Variants in RPGRIP1 observed in about 807,000 individuals in gnomAD.
RPGRIP1 encodes the protein X-linked retinitis pigmentosa GTPase regulator-interacting protein 1.
In RPGRIP1, 128 loss-of-function variants were observed where a neutral mutation model predicts 157.9. The ratio of observed to expected loss-of-function variants is 0.81; its 90% CI spans 0.70 to 0.94. The LOEUF (loss-of-function observed/expected upper bound fraction) is 0.94. Ranked by LOEUF, RPGRIP1 falls within the 40% of genes least tolerant of loss-of-function variation. The probability of loss-of-function intolerance (pLI) is 0.00; values close to 1 mark genes in which losing one functional copy is unlikely to be tolerated. For synonymous variants in RPGRIP1, 554 were observed against 571.6 expected (o/e 0.97, Z 0.44); for missense variants, 1,486 against 1,545.8 (o/e 0.96, Z 0.65).
At chr14:21,315,045 A>G (rs1184074669) in intron 10 of RPGRIP1, among the ~76,000 whole-genome samples, 1 of 151,634 alleles carries the variant, frequency 6.6e-6, no homozygotes, top group Non-Finnish European at 1.5e-5. Flanking sequence ...TTGGCTGGGC[A>G]TGGTGGCGTG....
chr14:21,348,449 C>G, intron 24 of RPGRIP1, 147 bp downstream of exon 24: 1 of 631,218 alleles, frequency 1.6e-6, no homozygotes. Flanking sequence ...GTATTTATTT[C>G]TGGATCCAAC....
Position 21,302,474 on chromosome 14 carries a change from G to T in RPGRIP1, c.491-14G>T. On this transcript the variant is annotated splice_polypyrimidine_tract_variant and intron_variant, in intron 4 of 24. Transcript: ENST00000400017. Reference sequence around the variant, plus strand: ...ACTGTTGCCCGAGTCTGCATCTTCTGTCTAAACTTTTAGGGCCAAGGGACA... The same window carrying T: ...ACTGTTGCCCGAGTCTGCATCTTCTTTCTAAACTTTTAGGGCCAAGGGACA... The T allele has an allele frequency of 6.7e-7, 1 of 1,495,628 alleles. No homozygotes were observed. The highest frequency in any genetic ancestry group is 9.1e-7 in the Non-Finnish European group (1 of 1,103,274). The allele number at this position is 1,495,628 out of a possible 1,614,324, so 92.6% of individuals were successfully genotyped here.
At chr14:21,320,294 C>G in intron 12 of RPGRIP1, 117 bp downstream of exon 12, 1 of 983,156 alleles carries the variant, frequency 1.0e-6, no homozygotes, top group Non-Finnish European at 1.5e-6. Context: ...TGACTGAGGA[C>G]ACTCTTTTTT....
chr14:21,310,161 A>C lies in RPGRIP1; in HGVS notation c.907-423A>C, dbSNP rs1881485876. The stretch of plus-strand genomic sequence containing the variant: ...TAATATGTGTGAAATGATTATAATG[A>C]TCATGATGTGGCAGGTAATGAAACA... On this transcript the variant is annotated intron_variant, in intron 7 of 24. Transcript: ENST00000400017. 8.3e-5 allele frequency among the ~76,000 whole-genome samples: 3 copies of C among 36,180 alleles called. 1 individual carries two copies. Among genetic ancestry groups the C allele is most frequent in the African/African-American group, 3.7e-4 (3 of 8,162 alleles). 23.7% of individuals were successfully genotyped at this position (36,180 alleles called of 152,430 possible).
intron 23 of RPGRIP1, among the ~76,000 whole-genome samples, chr14:21,347,306 T>C (rs948974390): frequency 1.3e-5 from 2 of 152,234 alleles, no homozygotes; most frequent in Admixed American, 6.5e-5. Context: ...GAGAATAAAA[T>C]TGAGCTAATA....
rs1881580648 is a variant in RPGRIP1 at position 21,312,465 on chromosome 14, A to G, written c.1110A>G (p.Glu370=). The stretch of plus-strand genomic sequence containing the variant: ...AGAGAGTTGAAGATTTGGAAAAAGA[A>G]CGAAAATTGCTGAATGACAATTATG... ...FQERVEDLEK[E]RKLLNDNYDK... The change falls in exon 10 of 25, where the codon GAA becomes GAG. Residue 370 remains glutamate, a synonymous_variant. Transcript: ENST00000400017. The G allele has an allele frequency of 6.2e-7, 1 of 1,612,122 alleles. No homozygotes were observed. The highest frequency in any genetic ancestry group is 8.5e-7 in the Non-Finnish European group (1 of 1,178,852).
intron 14 of RPGRIP1, among the ~76,000 whole-genome samples, chr14:21,323,409 G>A (rs1019500395): frequency 9.9e-5 from 15 of 150,762 alleles, no homozygotes; most frequent in African/African-American, 3.4e-4. Context: ...CAACAAGAGC[G>A]AAACTCTGTC....
chr14:21,343,134 C>T lies in RPGRIP1; in HGVS notation c.3438C>T (p.Tyr1146=). Residue 1146 remains tyrosine (Y), a synonymous_variant, in exon 22 of 25, where the codon TAC becomes TAT. Coordinates refer to ENST00000400017, the MANE Select transcript of RPGRIP1 (RefSeq NM_020366.4). ...DENIKQVYVE[Y]KFYDLPLSET... ...ACATAAAACAGGTGTATGTGGAGTA[C>T]AAATTCTACGACCTACCCTTGTCGG... 1 of 1,613,672 alleles carries T rather than the reference C, an allele frequency of 6.2e-7. No individual in the cohort carries two copies. The highest frequency in any genetic ancestry group is 1.1e-5 in the South Asian group (1 of 91,062).
intron 7 of RPGRIP1, among the ~76,000 whole-genome samples, chr14:21,308,769 G>A (rs1881424567): frequency 6.6e-6 from 1 of 152,194 alleles, no homozygotes. Context: ...TCATGTGCCG[G>A]GAAAAGTGGC....
rs1405973003 is a variant in RPGRIP1, at chr14:21,321,412, A to G, written c.1611+10A>G. On this transcript the variant is annotated intron_variant, in intron 13 of 24. Transcript: ENST00000400017. ...CAACGTGTGTTATCAGGTGCAAGGA[A>G]AGATGGTACAGGAAGGGGATGGATA... 6.2e-7 allele frequency: 1 copy of G among 1,607,614 alleles called. No individual in the cohort carries two copies. The highest frequency in any genetic ancestry group is 1.1e-5 in the South Asian group (1 of 89,866).
chr14:21,292,424 C>A (rs1395715514), intron 2 of RPGRIP1, among the ~76,000 whole-genome samples: 1 of 151,928 alleles, frequency 6.6e-6, no homozygotes, highest in Non-Finnish European at 1.5e-5. Context: ...ATTTTTATAG[C>A]ATATATTCAA....
intron 23 of RPGRIP1, among the ~76,000 whole-genome samples, chr14:21,345,891 C>T (rs1372841012): frequency 1.3e-5 from 2 of 152,128 alleles, no homozygotes; most frequent in African/African-American, 4.8e-5. Flanking sequence ...ACAATCTTGG[C>T]TCACTGCAAC....
At chr14:21,291,201 T>C (rs1299364111) in intron 2 of RPGRIP1, among the ~76,000 whole-genome samples, 2 of 152,158 alleles carry the variant, frequency 1.3e-5, no homozygotes, top group Non-Finnish European at 2.9e-5. Context: ...TATTTGTCTT[T>C]ATATTGTTGG....
rs763323764 is a variant in RPGRIP1, at chr14:21,336,958, CCTAT to C, written c.3339+2257_3339+2260del. On this transcript the variant is annotated intron_variant, in intron 21 of 24. Coordinates refer to ENST00000400017, the MANE Select transcript of RPGRIP1 (RefSeq NM_020366.4). ...TGAGAAATTAAATATGAGAAAGGAG[CCTAT>C]CTAAGCAAAAAATTAGTGTTATTAT... Among the ~76,000 whole-genome samples the C allele has an allele frequency of 8.2e-4, 125 of 152,230 alleles. 1 individual carries two copies. The highest frequency in any genetic ancestry group is 3.4e-3 in the Middle Eastern group (1 of 294).
intron 21 of RPGRIP1, among the ~76,000 whole-genome samples, chr14:21,337,311 G>T (rs926813736): frequency 6.6e-6 from 1 of 152,050 alleles, no homozygotes; most frequent in Non-Finnish European, 1.5e-5. Context: ...TGATACTGAT[G>T]TGGCAAGATT....
At chr14:21,321,082 C>T (rs1342581503) in intron 12 of RPGRIP1, among the ~76,000 whole-genome samples, 177 bp from the exon 13 acceptor site, 1 of 152,198 alleles carries the variant, frequency 6.6e-6, no homozygotes, top group East Asian at 1.9e-4. Context: ...ACTGCTGCTA[C>T]TGAACATGAG....
chr14:21,348,324 T>G, intron 24 of RPGRIP1, 22 bp downstream of exon 24: 1 of 1,514,862 alleles, frequency 6.6e-7, no homozygotes. Context: ...TTTTTTCAGT[T>G]CTAATTATTT....
intron 21 of RPGRIP1, among the ~76,000 whole-genome samples, chr14:21,337,990 C>A (rs543831746): frequency 6.7e-4 from 101 of 151,654 alleles, no homozygotes; most frequent in Non-Finnish European, 1.1e-3. Context: ...GATATCGGCT[C>A]ACTGCAACCT....
In RPGRIP1 at chr14:21,303,405, C is replaced by CT. The variant is rs1233376985; in HGVS notation, c.663dup (p.Asn222Ter). On this transcript the variant is annotated frameshift_variant, in exon 6 of 25. Transcript: ENST00000400017. LOFTEE classifies it high-confidence loss of function. ...GCTAAACCCATTGGTCTATGCATGC[C>CT]TAACAGTGCCCACATCATGGCCAGC... 4 of 1,613,674 alleles carry CT rather than the reference C, an allele frequency of 2.5e-6. No homozygotes were observed. Among genetic ancestry groups the CT allele is most frequent in the Admixed American group, 1.7e-5 (1 of 59,964 alleles).
Sources: allele counts gnomAD v4.1 joint callset (sites outside exome capture counted in the v4.1 genomes callset), GRCh38; gene constraint gnomAD v4.1.1; transcripts MANE v1.5; gene names NCBI Gene and HGNC (gene_info 2026-07-23, HGNC 2026-07-21).